CLTCL1: variants seen among roughly 807,000 people sequenced by gnomAD.
The protein encoded by CLTCL1 is clathrin heavy chain 2.
A neutral mutation model predicts 190.0 loss-of-function variants in CLTCL1; 159 were observed. The ratio of observed to expected loss-of-function variants is 0.84; its 90% CI spans 0.74 to 0.95. The LOEUF is 0.95. Among genes scored for constraint, CLTCL1 ranks in the 40% least tolerant of loss-of-function variants. The pLI is 0.00. For missense variants in CLTCL1, 1,878 were observed against 2,033.4 expected, an observed-to-expected ratio of 0.92 and a Z score of 1.47; for synonymous variants, 752 against 769.6, an observed-to-expected ratio of 0.98 and a Z score of 0.38.
intron 1 of CLTCL1, among the ~76,000 whole-genome samples, chr22:19,276,908 G>T (rs983191379): frequency 2.0e-5 from 3 of 151,998 alleles, no homozygotes; most frequent in Admixed American, 2.0e-4. Context: ...TCCTGACCTC[G>T]TGATCCGCCC....
At position 19,274,898 on chromosome 22, in the gene CLTCL1, T is replaced by C. The variant is rs144112700; in HGVS notation, c.250+725A>G. 9.3e-3 allele frequency among the ~76,000 whole-genome samples: 1,417 copies of C among 152,166 alleles called. 33 individuals are homozygous for C. Among genetic ancestry groups the C allele is most frequent in the East Asian group, 0.066 (341 of 5,164 alleles). ...TGCGCCACCACGCCCAGCTAATTTT[T>C]TGTATTTTTAATAGAGATGGGGTTT... On this transcript the variant is annotated intron_variant, in intron 2 of 32. Transcript: ENST00000427926.
At chr22:19,261,762 G>A (rs984021235) in intron 2 of CLTCL1, among the ~76,000 whole-genome samples, 2 of 152,180 alleles carry the variant, frequency 1.3e-5, no homozygotes, top group African/African-American at 2.4e-5. Context: ...GATGACCAAA[G>A]AAAGGGGTTT....
rs115800713 is a variant in CLTCL1 at position 19,264,177 on chromosome 22, T to C, written c.251-9950A>G. Reference sequence around the variant, plus strand: ...AGCTGGTTGTAGTGGCGCATGCCTATAGTCCTAGCTACTTGGGAGGCTGAG... The same window carrying C: ...AGCTGGTTGTAGTGGCGCATGCCTACAGTCCTAGCTACTTGGGAGGCTGAG... On this transcript the variant is annotated intron_variant, in intron 2 of 32. Coordinates refer to ENST00000427926, the MANE Select transcript of CLTCL1 (RefSeq NM_007098.4). Among the ~76,000 whole-genome samples the C allele has an allele frequency of 3.9e-3, 598 of 151,892 alleles. 5 individuals are homozygous for C. Among genetic ancestry groups the C allele is most frequent in the African/African-American group, 0.013 (538 of 41,408 alleles).
At chr22:19,257,360 A>G (rs1555973146) in intron 2 of CLTCL1, among the ~76,000 whole-genome samples, 1 of 152,210 alleles carries the variant, frequency 6.6e-6, no homozygotes, top group East Asian at 1.9e-4. Flanking sequence ...CTTTTCAACA[A>G]ATAATACTGG....
Position 19,196,426 on chromosome 22 carries a change from A to T in CLTCL1, c.4042-11T>A, listed in dbSNP as rs2084707272. On this transcript the variant is annotated splice_polypyrimidine_tract_variant and intron_variant, in intron 25 of 32. Transcript: ENST00000427926. ...TGCAGCCCTCAGCACCTGGACAAGG[A>T]GGTCAGGGTCGGCTTGTGCTGCACG... is the stretch of plus-strand genomic sequence containing the variant. 1 of 1,613,910 alleles carries T rather than the reference A, an allele frequency of 6.2e-7. No individual in the cohort carries two copies. Among genetic ancestry groups the T allele is most frequent in the Non-Finnish European group, 8.5e-7 (1 of 1,179,858 alleles).
Position 19,216,118 on chromosome 22 carries a change from C to T in CLTCL1, c.3058G>A (p.Glu1020Lys), listed in dbSNP as rs112938688. Residue 1020 changes from glutamate (E) to lysine (K), a missense_variant, in exon 19 of 33, where the codon GAG becomes AAG. Transcript: ENST00000427926. Reference protein sequence around the residue: ...KIVLDNSVFSEHRNLQNLLIL... With the variant: ...KIVLDNSVFSKHRNLQNLLIL... ...CCCCTGGCATAGCCTCACCTGTGCT[C>T]GCTGAAGACAGAGTTATCCAGAACT... 21 of 1,613,424 alleles carry T rather than the reference C, an allele frequency of 1.3e-5. No individual in the cohort carries two copies. The highest frequency in any genetic ancestry group is 1.1e-4 in the South Asian group (10 of 91,000).
chr22:19,262,114 C>T (rs1555975862), intron 2 of CLTCL1, among the ~76,000 whole-genome samples: 2 of 151,958 alleles, frequency 1.3e-5, no homozygotes, highest in Admixed American at 1.3e-4. Context: ...CAACCTCCAC[C>T]TCCCGGATTC....
intron 23 of CLTCL1, 141 bp from the exon 24 acceptor site, chr22:19,199,982 C>A: frequency 1.7e-6 from 1 of 594,562 alleles, no homozygotes. Context: ...GTAGCTAACT[C>A]TATGATGAAT....
rs2084071877 is a variant in CLTCL1, at chr22:19,179,950, G to A, written c.*40C>T. The A allele has an allele frequency of 1.8e-6, 1 of 551,450 alleles. No homozygotes were observed. The highest frequency in any genetic ancestry group is 3.2e-5 in the Admixed American group (1 of 30,924). 34.2% of individuals were successfully genotyped at this position (551,450 alleles called of 1,614,324 possible). On this transcript the variant is annotated 3_prime_UTR_variant, in exon 33 of 33. Transcript: ENST00000427926. ...CATATCCATAGGGGAAGCTGGCAGG[G>A]GCTGGGCCCACGGCAGGGCCTGCAG...
At chr22:19,269,828 A>C (rs2087247041) in intron 2 of CLTCL1, among the ~76,000 whole-genome samples, 1 of 152,152 alleles carries the variant, frequency 6.6e-6, no homozygotes, top group African/African-American at 2.4e-5. Flanking sequence ...AAGTTAATGT[A>C]TGCAGGGCTT....
intron 4 of CLTCL1, among the ~76,000 whole-genome samples, chr22:19,240,299 A>G (rs1555964700): frequency 6.6e-6 from 1 of 151,692 alleles, no homozygotes; most frequent in Non-Finnish European, 1.5e-5. Context: ...TATTATAACT[A>G]ACACAAGTCC....
In CLTCL1 at chr22:19,254,046, T is replaced by C. The variant is rs183263705; in HGVS notation, c.432A>G (p.Arg144=). Residue 144 remains arginine (R), a synonymous_variant, in exon 3 of 33, where the codon AGA becomes AGG. Transcript: ENST00000427926. ...CCTGGCAGCCCACCAGACTGGTATG[T>C]CTATCAAACATCTTCATGGGCTGGG... ...GDSQPMKMFD[R]HTSLVGCQVI... is the part of the protein sequence containing the mutation. 6 of 1,612,286 alleles carry C rather than the reference T, an allele frequency of 3.7e-6. No homozygotes were observed. The highest frequency in any genetic ancestry group is 5.1e-6 in the Non-Finnish European group (6 of 1,179,066).
intron 26 of CLTCL1, among the ~76,000 whole-genome samples, chr22:19,193,162 C>T (rs545506501): frequency 2.2e-4 from 34 of 152,330 alleles, no homozygotes; most frequent in South Asian, 1.4e-3. Flanking sequence ...GCAGGTATCA[C>T]GCGAGTGGAC....
intron 22 of CLTCL1, among the ~76,000 whole-genome samples, chr22:19,202,629 A>C (rs2084934086): frequency 7.8e-6 from 1 of 128,828 alleles, no homozygotes; most frequent in Non-Finnish European, 1.6e-5. Context: ...GCACTACCCT[A>C]CTTCCGTCAT....
chr22:19,233,838 C>A (rs1555960526), intron 7 of CLTCL1, among the ~76,000 whole-genome samples: 1 of 152,220 alleles, frequency 6.6e-6, no homozygotes, highest in South Asian at 2.1e-4. Context: ...CACTTAGGGT[C>A]TTACTTCTCC....
At chr22:19,278,360 G>A (rs766034778) in intron 1 of CLTCL1, among the ~76,000 whole-genome samples, 2 of 152,046 alleles carry the variant, frequency 1.3e-5, no homozygotes, top group Non-Finnish European at 2.9e-5. Context: ...GAAACTGGAC[G>A]GAAGCACCAA....
chr22:19,268,960 C>T (rs186011640), intron 2 of CLTCL1, among the ~76,000 whole-genome samples: 6 of 151,672 alleles, frequency 4.0e-5, no homozygotes, highest in African/African-American at 1.2e-4. Flanking sequence ...CGTGGCGGCA[C>T]ATACCTGTAG....
chr22:19,180,940 T>G, intron 30 of CLTCL1, 134 bp from the exon 31 acceptor site: 1 of 750,714 alleles, frequency 1.3e-6, no homozygotes, highest in South Asian at 1.5e-5. Context: ...TGGGCAGATG[T>G]GGAGTGGCTC....
In CLTCL1 at chr22:19,208,258, C is replaced by G; in HGVS notation, c.3496G>C (p.Glu1166Gln). 6.2e-7 allele frequency: 1 copy of G among 1,613,812 alleles called. No homozygotes were observed. Among genetic ancestry groups the G allele is most frequent in the Non-Finnish European group, 8.5e-7 (1 of 1,179,882 alleles). ...FLQMARKKGR[E>Q]SYIETELIFA... The stretch of plus-strand genomic sequence containing the variant: ...ATAAGTTCAGTCTCTATATAGGACT[C>G]ACGGCCCTTTTTCCTGGCCATCTGC... Residue 1166 changes from glutamate (E) to glutamine (Q), a missense_variant, in exon 22 of 33, where the codon GAG becomes CAG. Transcript: ENST00000427926.
Sources: allele counts gnomAD v4.1 joint callset (sites outside exome capture counted in the v4.1 genomes callset), GRCh38; gene constraint gnomAD v4.1.1; transcripts MANE v1.5; gene names NCBI Gene and HGNC (gene_info 2026-07-23, HGNC 2026-07-21).